Variants in DOCK9 observed in about 807,000 individuals in gnomAD.
DOCK9 encodes the protein dedicator of cytokinesis protein 9.
In DOCK9, 89 loss-of-function variants were observed where a neutral mutation model predicts 263.3. The ratio of observed to expected loss-of-function variants is 0.34; its 90% CI spans 0.28 to 0.40. DOCK9 has a LOEUF of 0.40. DOCK9 is among the 10% of genes least tolerant of loss of function. DOCK9 has a pLI of 1.00. For missense variants in DOCK9, 2,140 were observed against 2,603.4 expected (o/e 0.82, Z 3.87); for synonymous variants, 976 against 973.1 (o/e 1.00, Z -0.06).
intron 1 of DOCK9, among the ~76,000 whole-genome samples, chr13:98,991,980 C>A (rs532862715): frequency 1.3e-5 from 2 of 152,284 alleles, no homozygotes; most frequent in South Asian, 4.1e-4. Flanking sequence ...TACACAGGAG[C>A]CACAGAGGTA....
At chr13:98,865,172 T>C (rs1009680894) in intron 30 of DOCK9, among the ~76,000 whole-genome samples, 7 of 152,162 alleles carry the variant, frequency 4.6e-5, no homozygotes, top group African/African-American at 1.4e-4. Flanking sequence ...GCTTAAGTCA[T>C]CCTCCCACCT....
chr13:98,860,446 T>C lies in DOCK9; in HGVS notation c.3656A>G (p.Asn1219Ser). The change falls in exon 33 of 53, where the codon AAC (asparagine) becomes AGC (serine). Residue 1219 changes from asparagine to serine, a missense_variant. Physicochemically the swap from Asn to Ser is conservative, Grantham distance 46. Around this residue, in one of 2 missense-constraint regions of DOCK9, gnomAD observed 1,521 missense variants for 1,741.7 expected, o/e 0.87. Transcript: ENST00000682017. ...VTPQKGSTLDNSLHKDLLGAI... is the reference protein window; with the variant it reads ...VTPQKGSTLDSSLHKDLLGAI... ...GCCCAGCAGGTCCTTGTGCAGGCTGTTGTCCAGGGTGCTTCCCTTCTGCGG... is the reference window on the plus strand; with the variant it reads ...GCCCAGCAGGTCCTTGTGCAGGCTGCTGTCCAGGGTGCTTCCCTTCTGCGG... The C allele has an allele frequency of 1.9e-6, 3 of 1,593,694 alleles. No individual in the cohort carries two copies. Among genetic ancestry groups the C allele is most frequent in the Non-Finnish European group, 2.6e-6 (3 of 1,169,306 alleles).
chr13:99,046,841 T>C (rs2040456376), intron 1 of DOCK9, among the ~76,000 whole-genome samples: 1 of 152,228 alleles, frequency 6.6e-6, no homozygotes, highest in Non-Finnish European at 1.5e-5. Flanking sequence ...GTCTCATACT[T>C]CATGCCTGCG....
At chr13:98,958,555 G>A (rs1249510645) in intron 1 of DOCK9, among the ~76,000 whole-genome samples, 2 of 152,222 alleles carry the variant, frequency 1.3e-5, no homozygotes, top group Admixed American at 6.5e-5. Flanking sequence ...CTGCCATTGC[G>A]GCACAAAAGC....
At chr13:99,026,770 T>C (rs961981026) in intron 1 of DOCK9, among the ~76,000 whole-genome samples, 2 of 152,330 alleles carry the variant, frequency 1.3e-5, no homozygotes, top group East Asian at 3.9e-4. Context: ...ACAGGAGATA[T>C]GAAATTTTAT....
chr13:98,794,794 C>T, intron 52 of DOCK9, 46 bp from the exon 53 acceptor site: 1 of 1,604,606 alleles, frequency 6.2e-7, no homozygotes, highest in Non-Finnish European at 8.5e-7. Flanking sequence ...ACAAGGTTAC[C>T]ATATGCAATG....
At chr13:99,045,593 A>G (rs1243165492) in intron 1 of DOCK9, among the ~76,000 whole-genome samples, 1 of 152,202 alleles carries the variant, frequency 6.6e-6, no homozygotes, top group Non-Finnish European at 1.5e-5. Flanking sequence ...CAGTAAATAA[A>G]TAGCTGAGAG....
intron 1 of DOCK9, among the ~76,000 whole-genome samples, chr13:98,992,902 G>A (rs1350886291): frequency 6.6e-6 from 1 of 152,196 alleles, no homozygotes; most frequent in African/African-American, 2.4e-5. Flanking sequence ...TTCTGAAGCA[G>A]TGAAGAGAGT....
intron 2 of DOCK9, among the ~76,000 whole-genome samples, chr13:98,940,809 C>T (rs1357308916): frequency 6.6e-6 from 1 of 152,142 alleles, no homozygotes; most frequent in Non-Finnish European, 1.5e-5. Flanking sequence ...GCACAAACCA[C>T]AGTGCAGCAC....
intron 2 of DOCK9, among the ~76,000 whole-genome samples, chr13:98,933,991 G>A (rs1020771762): frequency 2.6e-5 from 4 of 151,974 alleles, no homozygotes; most frequent in Non-Finnish European, 4.4e-5. Context: ...TTGCCGTTCT[G>A]GGCTCAAGTG....
intron 3 of DOCK9, among the ~76,000 whole-genome samples, chr13:98,926,568 C>T (rs1285481297): frequency 6.6e-6 from 1 of 152,226 alleles, no homozygotes; most frequent in Non-Finnish European, 1.5e-5. Flanking sequence ...CGCCACATGA[C>T]AGATTCAATG....
In DOCK9 at chr13:98,950,920, A is replaced by G. The variant is rs556380559; in HGVS notation, c.243+4515T>C. ...GAAGAAGAATCGTCATTGGAAATCA[A>G]TAGTCAGCTGCCACCCAAATCCCAT... On this transcript the variant is annotated intron_variant, in intron 2 of 52. Transcript: ENST00000682017. 2.0e-5 allele frequency among the ~76,000 whole-genome samples: 3 copies of G among 152,214 alleles called. No individual in the cohort carries two copies. In the South Asian group the frequency reaches 6.2e-4, roughly 32 times the overall value.
rs535968666 is a variant in DOCK9, at chr13:99,068,798, G to A, written c.129+17425C>T. 6.6e-5 allele frequency among the ~76,000 whole-genome samples: 10 copies of A among 152,238 alleles called. No individual in the cohort carries two copies. The South Asian group carries it at 2.1e-3, about 32-fold the overall frequency. Reference sequence around the variant, plus strand: ...AATGAACACAGTAAAAGCCTGGGAAGGAAAAAGTTAACCTAAGAGATTAAA... The same window carrying A: ...AATGAACACAGTAAAAGCCTGGGAAAGAAAAAGTTAACCTAAGAGATTAAA... On this transcript the variant is annotated intron_variant, in intron 1 of 32. Coordinates refer to the DOCK9 transcript ENST00000427887.
chr13:99,047,304 G>T (rs1446450611), intron 1 of DOCK9, among the ~76,000 whole-genome samples: 1 of 152,156 alleles, frequency 6.6e-6, no homozygotes, highest in African/African-American at 2.4e-5. Flanking sequence ...ATGGGGCAGA[G>T]AACCACAGGC....
intron 1 of DOCK9, among the ~76,000 whole-genome samples, chr13:99,009,005 T>C (rs1023309737): frequency 6.6e-6 from 1 of 152,246 alleles, no homozygotes; most frequent in Non-Finnish European, 1.5e-5. Flanking sequence ...GAATGATATC[T>C]GGAAAGGTTG....
intron 1 of DOCK9, among the ~76,000 whole-genome samples, chr13:99,039,099 T>C (rs1888219243): frequency 6.6e-6 from 1 of 152,232 alleles, no homozygotes; most frequent in Non-Finnish European, 1.5e-5. Flanking sequence ...ACAAAAGCTG[T>C]CAGAAAACAT....
intron 1 of DOCK9, among the ~76,000 whole-genome samples, chr13:99,054,993 T>C (rs2040853215): frequency 6.6e-6 from 1 of 152,216 alleles, no homozygotes; most frequent in Non-Finnish European, 1.5e-5. Context: ...AGTCATGAAT[T>C]GCTAATAGTA....
At chr13:98,898,735 A>T (rs1566901303) in intron 13 of DOCK9, among the ~76,000 whole-genome samples, 2 of 152,228 alleles carry the variant, frequency 1.3e-5, no homozygotes, top group Admixed American at 6.5e-5. Context: ...ATAAGGGATA[A>T]GATATTAAGA....
Position 98,904,693 on chromosome 13 carries a change from G to A in DOCK9, c.974C>T (p.Ala325Val), listed in dbSNP as rs749875109. 11 of 1,554,562 alleles carry A rather than the reference G, an allele frequency of 7.1e-6. No individual in the cohort carries two copies. The South Asian group carries it at 9.5e-5, about 13-fold the overall frequency. The change falls in exon 10 of 53, where the codon GCA becomes GTA. Residue 325 changes from alanine (A) to valine (V), a missense_variant. By Grantham distance (64) the Ala-to-Val change is moderately conservative. Around this residue, in one of 2 missense-constraint regions of DOCK9, gnomAD observed 1,521 missense variants for 1,741.7 expected, o/e 0.87. Transcript: ENST00000682017. ...GCTTTCACTTTTCAGTTTGATTTCT[G>A]CTTCTCTTGCACTCTGATAACAAGA... is the stretch of plus-strand genomic sequence containing the variant. ...LPELAKSARE[A>V]EIKLKSESRV...
Sources: allele counts gnomAD v4.1 joint callset (sites outside exome capture counted in the v4.1 genomes callset), GRCh38; gene constraint gnomAD v4.1.1; regional missense constraint gnomAD v4.1.1; transcripts MANE v1.5; gene names NCBI Gene and HGNC (gene_info 2026-07-23, HGNC 2026-07-21).